Variants in PCLO observed in about 807,000 individuals in gnomAD.
The protein encoded by PCLO is piccolo presynaptic cytomatrix protein, also known as protein piccolo.
A neutral mutation model predicts 427.5 loss-of-function variants in PCLO; 82 were observed. The ratio of observed to expected loss-of-function variants is 0.19; its 90% CI spans 0.16 to 0.23. The LOEUF (loss-of-function observed/expected upper bound fraction) is 0.23, where lower values mean the gene tolerates loss of function less well. Among genes scored for constraint, PCLO ranks in the 10% least tolerant of loss-of-function variants. PCLO has a pLI of 1.00. For synonymous variants in PCLO, 2,357 were observed against 2,155.4 expected (o/e 1.09, Z -2.59); for missense variants, 6,239 against 6,115.9 (o/e 1.02, Z -0.67).
chr7:82,982,744 G>A (rs554927334), intron 3 of PCLO, among the ~76,000 whole-genome samples: 27 of 151,840 alleles, frequency 1.8e-4, no homozygotes, highest in South Asian at 1.0e-3. Context: ...TAATATATGC[G>A]TAACATTTTG....
At chr7:83,044,219 G>T (rs1183898704) in intron 3 of PCLO, among the ~76,000 whole-genome samples, 1 of 151,926 alleles carries the variant, frequency 6.6e-6, no homozygotes, top group Non-Finnish European at 1.5e-5. Flanking sequence ...ACAACATGGG[G>T]GAACCGCCCC....
intron 10 of PCLO, among the ~76,000 whole-genome samples, chr7:82,868,820 T>A (rs1197372818): frequency 6.6e-6 from 1 of 152,106 alleles, no homozygotes; most frequent in East Asian, 1.9e-4. Flanking sequence ...CTCCAAAGAG[T>A]TTTACAAAAA....
intron 3 of PCLO, among the ~76,000 whole-genome samples, chr7:83,012,732 T>G (rs1788114758): frequency 6.6e-6 from 1 of 151,848 alleles, no homozygotes; most frequent in African/African-American, 2.4e-5. Context: ...ACAGAACACC[T>G]TGGTGACTAG....
At chr7:82,769,851 A>G (rs1056262905) in intron 22 of PCLO, among the ~76,000 whole-genome samples, 9 of 152,138 alleles carry the variant, frequency 5.9e-5, no homozygotes, top group African/African-American at 2.2e-4. Flanking sequence ...TTTGTTACCT[A>G]GCTCCCATCA....
intron 6 of PCLO, among the ~76,000 whole-genome samples, chr7:82,918,666 A>C (rs1794524671): frequency 6.6e-6 from 1 of 152,006 alleles, no homozygotes; most frequent in Non-Finnish European, 1.5e-5. Context: ...ACTACATACT[A>C]TTTGTTTTTT....
At chr7:82,866,521 TTCAGCAAAC>T (rs1180586895) in intron 10 of PCLO, among the ~76,000 whole-genome samples, 1 of 152,068 alleles carries the variant, frequency 6.6e-6, no homozygotes, top group Non-Finnish European at 1.5e-5. Flanking sequence ...AATAATGGCA[TTCAGCAAAC>T]TCAAGTGCTG....
chr7:82,802,396 CTT>C (rs1430485742), intron 21 of PCLO, among the ~76,000 whole-genome samples: 1 of 152,044 alleles, frequency 6.6e-6, no homozygotes, highest in East Asian at 1.9e-4. Flanking sequence ...CTGCTAATCA[CTT>C]TTAGTTTTCA....
intron 3 of PCLO, among the ~76,000 whole-genome samples, chr7:82,992,168 T>C (rs1323441241): frequency 1.3e-5 from 2 of 152,166 alleles, no homozygotes; most frequent in Non-Finnish European, 1.5e-5. Flanking sequence ...GGTAAACTGA[T>C]TGATTACCTT....
At chr7:82,798,959 T>G (rs897232665) in intron 22 of PCLO, among the ~76,000 whole-genome samples, 1 of 152,154 alleles carries the variant, frequency 6.6e-6, no homozygotes, top group South Asian at 2.1e-4. Context: ...GGAAACATAT[T>G]GACTCATAAG....
chr7:83,092,176 T>C (rs11982948), intron 3 of PCLO, among the ~76,000 whole-genome samples: 4,115 of 152,270 alleles, frequency 0.027, 181 homozygotes, highest in African/African-American at 0.094. Context: ...CAGCTGCCCA[T>C]ATAATATGAT....
chr7:82,820,503 T>G (rs2115629648), intron 20 of PCLO: 4 of 1,214,472 alleles, frequency 3.3e-6, no homozygotes, highest in Non-Finnish European at 3.1e-6. Flanking sequence ...AGATACTTTA[T>G]TTATTACACA....
intron 3 of PCLO, among the ~76,000 whole-genome samples, chr7:83,094,024 G>C (rs560756594): frequency 4.5e-4 from 68 of 151,536 alleles, no homozygotes; most frequent in African/African-American, 1.5e-3. Context: ...TCACCACAAT[G>C]ACCCTCGTGC....
intron 3 of PCLO, among the ~76,000 whole-genome samples, chr7:83,024,809 A>C: frequency 6.6e-6 from 1 of 152,004 alleles, no homozygotes; most frequent in Non-Finnish European, 1.5e-5. Flanking sequence ...CTGACCCCCG[A>C]GCAGCCTAAC....
chr7:82,943,568 C>T (rs1299725049), intron 6 of PCLO, among the ~76,000 whole-genome samples: 1 of 152,086 alleles, frequency 6.6e-6, no homozygotes, highest in African/African-American at 2.4e-5. Flanking sequence ...ATTTACATTG[C>T]TATGCAATAG....
At chr7:83,127,141 T>C (rs1791457301) in intron 3 of PCLO, among the ~76,000 whole-genome samples, 1 of 152,070 alleles carries the variant, frequency 6.6e-6, no homozygotes, top group Non-Finnish European at 1.5e-5. Flanking sequence ...GAGGAGAATG[T>C]CTGTAAGTAC....
chr7:82,971,478 CTATTAT>C (rs2115702975), intron 3 of PCLO, among the ~76,000 whole-genome samples: 1 of 148,564 alleles, frequency 6.7e-6, no homozygotes, highest in East Asian at 2.0e-4. Context: ...TGCTGGTGGT[CTATTAT>C]ATCAAATTTT....
chr7:83,057,815 T>C (rs913206324), intron 3 of PCLO, among the ~76,000 whole-genome samples: 2 of 152,256 alleles, frequency 1.3e-5, no homozygotes, highest in African/African-American at 4.8e-5. Flanking sequence ...TTTTATGCTT[T>C]CTTATAATTC....
At chr7:83,040,296 T>C (rs1788940960) in intron 3 of PCLO, among the ~76,000 whole-genome samples, 1 of 152,116 alleles carries the variant, frequency 6.6e-6, no homozygotes, top group Admixed American at 6.6e-5. Flanking sequence ...ATGTGAAACC[T>C]CAGATGTTGC....
At chr7:83,162,152 G>A (rs1792455149) in intron 1 of PCLO, among the ~76,000 whole-genome samples, 193 bp downstream of exon 1, 1 of 152,194 alleles carries the variant, frequency 6.6e-6, no homozygotes, top group South Asian at 2.1e-4. Context: ...TATCCCACCA[G>A]AAACTCTACA....
Sources: gnomAD v4.1 joint callset for allele counts (sites outside exome capture counted in the v4.1 genomes callset) on GRCh38, gnomAD v4.1.1 for gene constraint, MANE v1.5 for transcripts, NCBI Gene and HGNC (gene_info 2026-07-23, HGNC 2026-07-21) for gene names.